Variants in SEMA6D observed in about 807,000 individuals in gnomAD.
SEMA6D encodes the protein semaphorin-6D.
A neutral mutation model predicts 106.6 loss-of-function variants in SEMA6D; 35 were observed. That is an observed-to-expected ratio of 0.33 (90% CI 0.25 to 0.44). SEMA6D has a LOEUF of 0.44. Ranked by LOEUF, SEMA6D falls within the 20% of genes least tolerant of loss-of-function variation. The pLI is 1.00. For missense variants in SEMA6D, 1,185 were observed against 1,345.9 expected, an observed-to-expected ratio of 0.88 and a Z score of 1.87; for synonymous variants, 499 against 487.7, an observed-to-expected ratio of 1.02 and a Z score of -0.31.
At chr15:47,701,029 G>GT (rs1246504822) in intron 4 of SEMA6D, among the ~76,000 whole-genome samples, 2 of 152,140 alleles carry the variant, frequency 1.3e-5, no homozygotes, top group Non-Finnish European at 2.9e-5. Flanking sequence ...ATGACCTTGG[G>GT]TTTGGCAGTG....
intron 1 of SEMA6D, among the ~76,000 whole-genome samples, chr15:47,330,447 G>A (rs2037299362): frequency 6.6e-6 from 1 of 152,142 alleles, no homozygotes; most frequent in Non-Finnish European, 1.5e-5. Flanking sequence ...AGGCTATCAT[G>A]GCTGAGGAGG....
chr15:47,225,994 C>T (rs2031638533), intron 1 of SEMA6D, among the ~76,000 whole-genome samples: 1 of 151,978 alleles, frequency 6.6e-6, no homozygotes, highest in African/African-American at 2.4e-5. Context: ...GTCCTAATCC[C>T]CAGTACTTGT....
intron 4 of SEMA6D, among the ~76,000 whole-genome samples, chr15:47,660,102 A>G (rs1291572198): frequency 6.6e-6 from 1 of 151,984 alleles, no homozygotes; most frequent in Non-Finnish European, 1.5e-5. Flanking sequence ...AAGTAAGAAT[A>G]TTAACACTTT....
chr15:47,229,531 C>T (rs1272497288), intron 1 of SEMA6D, among the ~76,000 whole-genome samples: 1 of 151,568 alleles, frequency 6.6e-6, no homozygotes, highest in East Asian at 1.9e-4. Context: ...CAGTCTGTCA[C>T]AGCTGATCTC....
Position 47,435,521 on chromosome 15 carries a change from C to A in SEMA6D, c.-159+23049C>A, listed in dbSNP as rs555549983. 3.2e-4 allele frequency among the ~76,000 whole-genome samples: 48 copies of A among 152,090 alleles called. 1 individual carries two copies. The South Asian group carries it at 8.1e-3, about 26-fold the overall frequency. On this transcript the variant is annotated intron_variant, in intron 2 of 19. Transcript: ENST00000558014. ...CATGTGGCTCCCTACCCAGTTGAGC[C>A]ACGTTCACCATTTTCTGAGCTAAGG... is the stretch of plus-strand genomic sequence containing the variant.
Position 47,419,140 on chromosome 15 carries a change from TG to T in SEMA6D, c.-159+6669del, listed in dbSNP as rs201862115. ...TCAGGTCCTTGTGGGATTTTAGAAT[TG>T]TAGGAGTTAGGGTGTTAGAAGGAGT... On this transcript the variant is annotated intron_variant, in intron 2 of 19. Coordinates refer to the SEMA6D transcript ENST00000558014. Among the ~76,000 whole-genome samples, 45 of 152,138 alleles carry T rather than the reference TG, an allele frequency of 3.0e-4. 1 individual carries two copies. The East Asian group carries it at 8.0e-3, about 27-fold the overall frequency.
At position 47,263,739 on chromosome 15, in the gene SEMA6D, G is replaced by A. The variant is rs534051807; in HGVS notation, c.-239+79321G>A. Among the ~76,000 whole-genome samples, 22 of 151,766 alleles carry A rather than the reference G, an allele frequency of 1.4e-4. 1 individual carries two copies. Among genetic ancestry groups the A allele is most frequent in the South Asian group, 6.3e-4 (3 of 4,800 alleles). ...CCATGTTGCTGCAAAGGACATGACC[G>A]TGTTCATTTTTATGGCCACATAGTA... On this transcript the variant is annotated intron_variant, in intron 1 of 19. Transcript: ENST00000558014.
chr15:47,641,401 C>A (rs2077486683), intron 4 of SEMA6D, among the ~76,000 whole-genome samples: 1 of 152,158 alleles, frequency 6.6e-6, no homozygotes, highest in African/African-American at 2.4e-5. Flanking sequence ...GAATTTCAGT[C>A]TCCCTCTCTC....
chr15:47,665,419 C>T (rs1472598087), intron 4 of SEMA6D, among the ~76,000 whole-genome samples: 1 of 151,972 alleles, frequency 6.6e-6, no homozygotes, highest in African/African-American at 2.4e-5. Context: ...GTAAGCTTTT[C>T]AGGAAGCCAG....
intron 1 of SEMA6D, among the ~76,000 whole-genome samples, chr15:47,349,200 A>G (rs1198159078): frequency 1.3e-5 from 2 of 151,938 alleles, no homozygotes; most frequent in African/African-American, 4.8e-5. Flanking sequence ...GAAGGGAATC[A>G]TGTTCATTAG....
At chr15:47,380,799 G>T (rs2039613895) in intron 1 of SEMA6D, among the ~76,000 whole-genome samples, 1 of 152,130 alleles carries the variant, frequency 6.6e-6, no homozygotes, top group African/African-American at 2.4e-5. Flanking sequence ...AAGATCAGTT[G>T]ATATAAAGAT....
chr15:47,695,534 G>GCA (rs1034692090), intron 4 of SEMA6D, among the ~76,000 whole-genome samples: 4 of 151,610 alleles, frequency 2.6e-5, no homozygotes, highest in Admixed American at 1.3e-4. Flanking sequence ...ACGAACACAT[G>GCA]CACACACACA....
chr15:47,195,057 A>G (rs1894243008), intron 1 of SEMA6D, among the ~76,000 whole-genome samples: 1 of 152,228 alleles, frequency 6.6e-6, no homozygotes. Flanking sequence ...TCATTTCCAG[A>G]TGCCTATTTC....
chr15:47,707,085 G>A (rs1596698324), intron 4 of SEMA6D, among the ~76,000 whole-genome samples: 1 of 152,136 alleles, frequency 6.6e-6, no homozygotes, highest in South Asian at 2.1e-4. Context: ...TTATCATCTG[G>A]CTGTCAAGAG....
intron 4 of SEMA6D, among the ~76,000 whole-genome samples, chr15:47,650,234 G>A (rs960943780): frequency 3.9e-5 from 6 of 152,152 alleles, no homozygotes; most frequent in Non-Finnish European, 7.3e-5. Context: ...TAAAAACCTA[G>A]TCCATAAAAG....
At chr15:47,645,840 G>A (rs952095053) in intron 4 of SEMA6D, among the ~76,000 whole-genome samples, 2 of 152,086 alleles carry the variant, frequency 1.3e-5, no homozygotes, top group Admixed American at 6.6e-5. Context: ...ACAGAAACCC[G>A]GGGAAACATT....
chr15:47,280,444 G>T (rs1231467364), intron 1 of SEMA6D, among the ~76,000 whole-genome samples: 1 of 148,954 alleles, frequency 6.7e-6, no homozygotes. Flanking sequence ...GTTGCTAGTG[G>T]TTTATCAATT....
intron 1 of SEMA6D, chr15:47,272,954 C>T (rs993109773): frequency 1.3e-5 from 2 of 152,178 alleles, no homozygotes; most frequent in African/African-American, 4.8e-5. Flanking sequence ...CATCTAATTT[C>T]ACCTGTAATA....
chr15:47,612,158 A>T (rs1237000401), intron 4 of SEMA6D, among the ~76,000 whole-genome samples: 1 of 152,182 alleles, frequency 6.6e-6, no homozygotes, highest in Non-Finnish European at 1.5e-5. Context: ...TATAAATTTC[A>T]TAGCAAAAGC....
Sources: allele counts gnomAD v4.1 joint callset (sites outside exome capture counted in the v4.1 genomes callset), GRCh38; gene constraint gnomAD v4.1.1; transcripts MANE v1.5; gene names NCBI Gene and HGNC (gene_info 2026-07-23, HGNC 2026-07-21).